MAP3K20: variants seen among roughly 807,000 people sequenced by gnomAD.
MAP3K20 encodes mitogen-activated protein kinase kinase kinase 20.
Under a neutral mutation model 85.7 loss-of-function variants are expected in MAP3K20, and 40 were observed. The observed-to-expected ratio is 0.47, with a 90% CI of 0.36 to 0.61. MAP3K20 has a LOEUF of 0.61. MAP3K20 is among the 20% of genes least tolerant of loss of function. The pLI is 0.00. For synonymous variants in MAP3K20, 325 were observed against 327.7 expected, an observed-to-expected ratio of 0.99 and a Z score of 0.09; for missense variants, 817 against 961.7, an observed-to-expected ratio of 0.85 and a Z score of 1.99.
chr2:173,085,862 C>A (rs1028256884), intron 1 of MAP3K20, among the ~76,000 whole-genome samples: 11 of 121,208 alleles, frequency 9.1e-5, no homozygotes, highest in African/African-American at 3.5e-4. Context: ...GTGGTGCGAT[C>A]TTGGCTCACA....
chr2:173,168,086 TAATA>T (rs555812775), intron 2 of MAP3K20, among the ~76,000 whole-genome samples: 2,654 of 78,912 alleles, frequency 0.034, 28 homozygotes, highest in Non-Finnish European at 0.064. Context: ...TTTCTAATAA[TAATA>T]AATAAACTTT....
chr2:173,264,790 T>C (rs1685375267), intron 19 of MAP3K20, among the ~76,000 whole-genome samples: 1 of 151,816 alleles, frequency 6.6e-6, no homozygotes, highest in African/African-American at 2.4e-5. Flanking sequence ...GTATGTAAAG[T>C]AGTCAAAGTC....
At chr2:173,255,441 T>G (rs1027516722) in intron 16 of MAP3K20, among the ~76,000 whole-genome samples, 1 of 152,250 alleles carries the variant, frequency 6.6e-6, no homozygotes, top group Non-Finnish European at 1.5e-5. Context: ...GAAAGTTCTT[T>G]AATCTTTCTG....
rs144077245 is a variant in MAP3K20 at position 173,133,239 on chromosome 2, A to G, written c.160-36566A>G. Among the ~76,000 whole-genome samples the G allele has an allele frequency of 9.0e-4, 137 of 152,344 alleles. 1 individual carries two copies. Among genetic ancestry groups the G allele is most frequent in the African/African-American group, 3.0e-3 (123 of 41,586 alleles). ...TAAAGAAGCTTGTATCAGTGTTTTTATCCATGGTGATAAAAAGTGTATAAG... is the reference window on the plus strand; with the variant it reads ...TAAAGAAGCTTGTATCAGTGTTTTTGTCCATGGTGATAAAAAGTGTATAAG... On this transcript the variant is annotated intron_variant, in intron 2 of 19. Transcript: ENST00000375213.
At chr2:173,230,995 CA>C (rs201159431) in intron 12 of MAP3K20, among the ~76,000 whole-genome samples, 2 of 151,028 alleles carry the variant, frequency 1.3e-5, no homozygotes, top group African/African-American at 2.4e-5. Flanking sequence ...GGCTTCATCT[CA>C]AAAAAAAAAT....
At chr2:173,108,629 G>A (rs1280413693) in intron 2 of MAP3K20, among the ~76,000 whole-genome samples, 2 of 152,060 alleles carry the variant, frequency 1.3e-5, no homozygotes, top group Non-Finnish European at 2.9e-5. Context: ...TAGCTGGTGA[G>A]GGAATGGAAT....
chr2:173,221,132 T>A (rs1390358213), intron 11 of MAP3K20: 1 of 1,469,826 alleles, frequency 6.8e-7, no homozygotes, highest in Non-Finnish European at 9.1e-7. Flanking sequence ...ACTTCTGTCC[T>A]TTCTTCCCTT....
rs1689947646 is a variant in MAP3K20 at position 173,169,802 on chromosome 2, C to T, written c.160-3C>T. On this transcript the variant is annotated splice_polypyrimidine_tract_variant and splice_region_variant and intron_variant, in intron 2 of 19. Coordinates refer to ENST00000375213, the MANE Select transcript of MAP3K20 (RefSeq NM_016653.3). ...GCAACTTTGCATTTTATTTTTTGTA[C>T]AGGCAGAAATACTCAGTGTCCTCAG... is the stretch of plus-strand genomic sequence containing the variant. 1.2e-6 allele frequency: 2 copies of T among 1,608,834 alleles called. No homozygotes were observed. Among genetic ancestry groups the T allele is most frequent in the Non-Finnish European group, 1.7e-6 (2 of 1,178,546 alleles).
At chr2:173,194,073 CAG>C (rs1347177980) in intron 7 of MAP3K20, among the ~76,000 whole-genome samples, 1 of 152,192 alleles carries the variant, frequency 6.6e-6, no homozygotes, top group African/African-American at 2.4e-5. Flanking sequence ...CTGGTGGAAA[CAG>C]AAATGCCATT....
intron 14 of MAP3K20, among the ~76,000 whole-genome samples, chr2:173,233,166 G>A (rs755233121): frequency 6.6e-6 from 1 of 152,192 alleles, no homozygotes; most frequent in Non-Finnish European, 1.5e-5. Context: ...ATAGCAGGAG[G>A]TGACTCAGTT....
At chr2:173,230,407 A>T (rs1294746143) in intron 12 of MAP3K20, among the ~76,000 whole-genome samples, 1 of 152,176 alleles carries the variant, frequency 6.6e-6, no homozygotes, top group Non-Finnish European at 1.5e-5. Context: ...CTGGGCTGGT[A>T]CACCGCTGAA....
intron 2 of MAP3K20, among the ~76,000 whole-genome samples, chr2:173,120,173 C>G (rs1315439024): frequency 6.6e-6 from 1 of 152,202 alleles, no homozygotes; most frequent in Admixed American, 6.5e-5. Context: ...GTCATGATCT[C>G]TGACTTCCTT....
intron 16 of MAP3K20, among the ~76,000 whole-genome samples, chr2:173,242,492 G>T (rs1003538801): frequency 1.3e-5 from 2 of 151,620 alleles, no homozygotes; most frequent in Non-Finnish European, 2.9e-5. Flanking sequence ...AATTAAAAAA[G>T]AAATAATTTA....
At chr2:173,236,167 T>C (rs1684642333) in intron 14 of MAP3K20, among the ~76,000 whole-genome samples, 1 of 145,198 alleles carries the variant, frequency 6.9e-6, no homozygotes, top group South Asian at 2.2e-4. Context: ...ACCTGGGAGG[T>C]TGAGGTGGGA....
intron 10 of MAP3K20, among the ~76,000 whole-genome samples, chr2:173,215,171 ACATCAGT>A (rs1684033549): frequency 6.6e-6 from 1 of 152,212 alleles, no homozygotes; most frequent in Admixed American, 6.5e-5. Flanking sequence ...GTCTAAAAGA[ACATCAGT>A]CAATCTGTCT....
chr2:173,098,635 C>T (rs1398899737), intron 2 of MAP3K20, among the ~76,000 whole-genome samples: 1 of 152,174 alleles, frequency 6.6e-6, no homozygotes, highest in Non-Finnish European at 1.5e-5. Flanking sequence ...GATACTCAAC[C>T]CGTACTTTCA....
At chr2:173,131,659 C>T (rs1157762182) in intron 2 of MAP3K20, among the ~76,000 whole-genome samples, 1 of 152,084 alleles carries the variant, frequency 6.6e-6, no homozygotes, top group Non-Finnish European at 1.5e-5. Flanking sequence ...TTAATCAAAG[C>T]TGAATAAAAT....
At chr2:173,103,387 T>G (rs1482076719) in intron 2 of MAP3K20, among the ~76,000 whole-genome samples, 1 of 152,224 alleles carries the variant, frequency 6.6e-6, no homozygotes, top group African/African-American at 2.4e-5. Flanking sequence ...TGACCTCAAG[T>G]GTTGACCAGA....
At chr2:173,220,228 A>G (rs1239052213) in intron 11 of MAP3K20, among the ~76,000 whole-genome samples, 2 of 152,200 alleles carry the variant, frequency 1.3e-5, no homozygotes, top group African/African-American at 2.4e-5. Flanking sequence ...AGGCAGTAAC[A>G]TTTTTCATGT....
Sources: gnomAD v4.1 joint callset for allele counts (sites outside exome capture counted in the v4.1 genomes callset) on GRCh38, gnomAD v4.1.1 for gene constraint, MANE v1.5 for transcripts, NCBI Gene and HGNC (gene_info 2026-07-23, HGNC 2026-07-21) for gene names.